CACNA2D1: variants seen among roughly 807,000 people sequenced by gnomAD.
CACNA2D1 encodes calcium voltage-gated channel auxiliary subunit alpha2delta 1, also known as voltage-dependent calcium channel subunit alpha-2/delta-1.
In CACNA2D1, 53 loss-of-function variants were observed where a neutral mutation model predicts 171.5. That is an observed-to-expected ratio of 0.31 (90% confidence interval 0.25 to 0.39). The LOEUF (loss-of-function observed/expected upper bound fraction) is 0.39, where lower values mean the gene tolerates loss of function less well. Ranked by LOEUF, CACNA2D1 falls within the 10% of genes least tolerant of loss-of-function variation. The probability of loss-of-function intolerance (pLI) is 1.00; values close to 1 mark genes in which losing one functional copy is unlikely to be tolerated. For synonymous variants in CACNA2D1, 442 were observed against 443.1 expected, an observed-to-expected ratio of 1.00 and a Z score of 0.03; for missense variants, 903 against 1,299.8, an observed-to-expected ratio of 0.69 and a Z score of 4.69.
intron 4 of CACNA2D1, among the ~76,000 whole-genome samples, chr7:82,166,056 T>C (rs569401367): frequency 4.7e-4 from 71 of 151,966 alleles, no homozygotes; most frequent in Non-Finnish European, 6.9e-4. Flanking sequence ...TCAAAAATGT[T>C]TCTGCTACAA....
At chr7:81,991,874 A>C (rs548416477) in intron 20 of CACNA2D1, among the ~76,000 whole-genome samples, 262 of 150,550 alleles carry the variant, frequency 1.7e-3, no homozygotes, top group African/African-American at 6.1e-3. Context: ...TCGCTCTGTC[A>C]CCCAGGCTGG....
chr7:82,066,670 C>T (rs1807669341), intron 7 of CACNA2D1, 146 bp from the exon 8 acceptor site: 1 of 1,243,818 alleles, frequency 8.0e-7, no homozygotes. Flanking sequence ...CATTTTTAAG[C>T]CCTTATATTG....
chr7:82,440,425 C>T (rs549441345), intron 1 of CACNA2D1, among the ~76,000 whole-genome samples: 39 of 151,900 alleles, frequency 2.6e-4, no homozygotes, highest in African/African-American at 8.9e-4. Flanking sequence ...GGACAACTAC[C>T]CTTTTTGAAA....
At chr7:82,186,175 AGAAG>A (rs1199135547) in intron 3 of CACNA2D1, among the ~76,000 whole-genome samples, 127 of 111,548 alleles carry the variant, frequency 1.1e-3, no homozygotes, top group Middle Eastern at 4.4e-3. Context: ...AAAAAGAGAG[AGAAG>A]GAAGGAAGGA....
chr7:82,353,863 G>C (rs911659979), intron 1 of CACNA2D1, among the ~76,000 whole-genome samples: 1 of 152,026 alleles, frequency 6.6e-6, no homozygotes, highest in African/African-American at 2.4e-5. Flanking sequence ...AGATTCAGGA[G>C]AGAACATGTA....
intron 12 of CACNA2D1, among the ~76,000 whole-genome samples, chr7:82,026,563 C>T (rs1043360556): frequency 1.2e-4 from 18 of 151,580 alleles, no homozygotes; most frequent in Admixed American, 2.6e-4. Flanking sequence ...AGTTGATAAA[C>T]GTATTATGTA....
At position 81,994,191 on chromosome 7, in the gene CACNA2D1, C is replaced by G. The variant is rs371321296; in HGVS notation, c.1734+677G>C. ...CAGGCTCAAAAGCTTCTGAGACTTA[C>G]ATTTTTCAAATACTCAAATGTATAA... On this transcript the variant is annotated intron_variant, in intron 20 of 38. Transcript: ENST00000356860. Among the ~76,000 whole-genome samples, 103 of 152,220 alleles carry G rather than the reference C, an allele frequency of 6.8e-4. 2 individuals carry two copies. In the South Asian group the frequency reaches 0.021, roughly 31 times the overall value.
intron 3 of CACNA2D1, among the ~76,000 whole-genome samples, chr7:82,267,154 CTAAAATGACTCTTTATAAAAATAGCATT>C (rs1725665037): frequency 6.6e-6 from 1 of 152,094 alleles, no homozygotes; most frequent in African/African-American, 2.4e-5. Context: ...TATCACAATC[CTAAAATGACTCTTTATAAAAATAGCATT>C]TATTTTTCAG....
chr7:82,337,080 A>G (rs998078423), intron 2 of CACNA2D1, among the ~76,000 whole-genome samples: 2 of 152,180 alleles, frequency 1.3e-5, no homozygotes, highest in Admixed American at 6.6e-5. Flanking sequence ...TTTCAAGCAT[A>G]TAAGTATCTT....
chr7:82,108,987 G>A (rs1312836492), intron 6 of CACNA2D1, among the ~76,000 whole-genome samples: 2 of 151,842 alleles, frequency 1.3e-5, no homozygotes, highest in Admixed American at 1.3e-4. Flanking sequence ...AGAAGCAATT[G>A]TACTTTTTAA....
chr7:82,349,921 G>A (rs1819656952), intron 1 of CACNA2D1, among the ~76,000 whole-genome samples: 1 of 152,096 alleles, frequency 6.6e-6, no homozygotes, highest in South Asian at 2.1e-4. Context: ...TAAACAATTT[G>A]CTTATTTTGA....
chr7:82,025,436 A>G (rs1801763925), intron 12 of CACNA2D1, among the ~76,000 whole-genome samples: 1 of 151,470 alleles, frequency 6.6e-6, no homozygotes, highest in Non-Finnish European at 1.5e-5. Flanking sequence ...TGTTTTCCTC[A>G]TTTTCCTTTC....
chr7:81,983,257 A>C, intron 23 of CACNA2D1, 57 bp downstream of exon 23: 2 of 1,389,756 alleles, frequency 1.4e-6, no homozygotes, highest in Middle Eastern at 1.8e-4. Context: ...GGAAAATATC[A>C]GTGGAAATGT....
chr7:82,179,925 G>GAAA (rs34239555), intron 3 of CACNA2D1, among the ~76,000 whole-genome samples: 3 of 150,376 alleles, frequency 2.0e-5, no homozygotes, highest in Non-Finnish European at 3.0e-5. Flanking sequence ...ACACCTGAGA[G>GAAA]AAAAAAAAAG....
chr7:82,028,327 CAT>C, intron 12 of CACNA2D1: 1 of 151,724 alleles, frequency 6.6e-6, no homozygotes, highest in East Asian at 1.9e-4. Flanking sequence ...ACTATTGAAA[CAT>C]ATGTTAAAAA....
intron 4 of CACNA2D1, among the ~76,000 whole-genome samples, chr7:82,140,385 T>C (rs1206204370): frequency 6.6e-6 from 1 of 152,178 alleles, no homozygotes; most frequent in Non-Finnish European, 1.5e-5. Context: ...ATAAATATGC[T>C]TTTCTTTCCC....
intron 3 of CACNA2D1, among the ~76,000 whole-genome samples, chr7:82,270,103 T>C (rs1473456647): frequency 6.6e-6 from 1 of 152,196 alleles, no homozygotes; most frequent in East Asian, 1.9e-4. Context: ...TATAGGCCCA[T>C]AACTTGGCTT....
intron 4 of CACNA2D1, among the ~76,000 whole-genome samples, chr7:82,152,148 C>A (rs1793920802): frequency 6.6e-6 from 1 of 151,758 alleles, no homozygotes; most frequent in Admixed American, 6.6e-5. Context: ...TTAATCAATG[C>A]TTATAAGTAT....
chr7:82,277,967 G>A (rs751553180), intron 3 of CACNA2D1, among the ~76,000 whole-genome samples: 4 of 151,766 alleles, frequency 2.6e-5, no homozygotes, highest in Middle Eastern at 3.2e-3. Context: ...GTTGGTCCTC[G>A]AACTCCTGAC....
Sources: allele counts gnomAD v4.1 joint callset (sites outside exome capture counted in the v4.1 genomes callset), GRCh38; gene constraint gnomAD v4.1.1; transcripts MANE v1.5; gene names NCBI Gene and HGNC (gene_info 2026-07-23, HGNC 2026-07-21).